Variants in MC2R observed in about 807,000 individuals in gnomAD.
MC2R encodes the protein adrenocorticotropic hormone receptor.
In MC2R, 9 loss-of-function variants were observed where a neutral mutation model predicts 9.8. That is an observed-to-expected ratio of 0.92 (90% confidence interval 0.55 to 1.60). The LOEUF (loss-of-function observed/expected upper bound fraction) is 1.60, where lower values mean the gene tolerates loss of function less well. Among genes scored for constraint, MC2R ranks in the 40% most tolerant of loss-of-function variants. The pLI, the probability that MC2R is intolerant of heterozygous loss-of-function variation, is 0.00. For missense variants in MC2R, 370 were observed against 389.0 expected (o/e 0.95, Z 0.41); for synonymous variants, 185 against 154.7 (o/e 1.20, Z -1.45).
At chr18:13,889,739 A>G (rs2045303777) in intron 1 of MC2R, among the ~76,000 whole-genome samples, 1 of 152,180 alleles carries the variant, frequency 6.6e-6, no homozygotes, top group Admixed American at 6.5e-5. Flanking sequence ...AAGGGTAAGG[A>G]GAAGGCTCTA....
At chr18:13,886,492 T>C (rs1054546546) in intron 1 of MC2R, among the ~76,000 whole-genome samples, 1 of 152,090 alleles carries the variant, frequency 6.6e-6, no homozygotes, top group Admixed American at 6.5e-5. Context: ...CTTCTCTGAC[T>C]GGGAGGCGGT....
intron 1 of MC2R, among the ~76,000 whole-genome samples, chr18:13,901,949 A>G (rs951839207): frequency 2.6e-5 from 4 of 152,120 alleles, no homozygotes; most frequent in Non-Finnish European, 5.9e-5. Context: ...CTATAGGCCA[A>G]TATCTCTGAC....
Position 13,883,585 on chromosome 18 carries a change from A to G in MC2R, c.*1040T>C, listed in dbSNP as rs1479931891. The G allele has an allele frequency of 1.4e-5, 1 of 72,364 alleles. No individual in the cohort carries two copies. Among genetic ancestry groups the G allele is most frequent in the Non-Finnish European group, 2.6e-5 (1 of 38,772 alleles). 4.5% of individuals were successfully genotyped at this position (72,364 alleles called of 1,614,324 possible). A position where few individuals can be genotyped will look rare whatever the true frequency, so the allele number is the denominator to read the frequency against. On this transcript the variant is annotated 3_prime_UTR_variant, in exon 2 of 2. Transcript: ENST00000327606. ...AAAAGCATGGGGAAAATACACACAC[A>G]CACACACACACACACACACACACAC...
chr18:13,886,036 G>A (rs2045274156), intron 1 of MC2R, among the ~76,000 whole-genome samples: 1 of 151,292 alleles, frequency 6.6e-6, no homozygotes, highest in Admixed American at 6.6e-5. Context: ...ATGCATACAC[G>A]TGGATATAGA....
chr18:13,902,598 A>G (rs1192302395), intron 1 of MC2R, among the ~76,000 whole-genome samples: 1 of 152,124 alleles, frequency 6.6e-6, no homozygotes, highest in Non-Finnish European at 1.5e-5. Flanking sequence ...GGGGATAGAC[A>G]ATCTCTTTAA....
chr18:13,914,605 C>CATGT (rs1232963679), intron 1 of MC2R, among the ~76,000 whole-genome samples: 2 of 151,938 alleles, frequency 1.3e-5, no homozygotes, highest in Non-Finnish European at 2.9e-5. Context: ...TTTTTGCATG[C>CATGT]ATGTATGTAT....
At chr18:13,898,472 A>T (rs1412134764) in intron 1 of MC2R, among the ~76,000 whole-genome samples, 1 of 152,220 alleles carries the variant, frequency 6.6e-6, no homozygotes, top group African/African-American at 2.4e-5. Flanking sequence ...GGAAAGACAC[A>T]GGCCTGGCTG....
rs1567894856 is a variant in MC2R at position 13,883,664 on chromosome 18, C to T, written c.*961G>A. On this transcript the variant is annotated 3_prime_UTR_variant, in exon 2 of 2. Coordinates refer to ENST00000327606, the MANE Select transcript of MC2R (RefSeq NM_000529.2). ...TCTCTCTCTCTCTCTCTCTGTCTGT[C>T]TCTGTCTCTCTCTCTTTATTTCTTA... 1 of 151,922 alleles carries T rather than the reference C, an allele frequency of 6.6e-6. No individual in the cohort carries two copies. Among genetic ancestry groups the T allele is most frequent in the Admixed American group, 6.6e-5 (1 of 15,252 alleles). The allele number at this position is 151,922 out of a possible 1,614,324, so 9.4% of individuals were successfully genotyped here.
At chr18:13,904,663 C>CCAAAACAGGTACAGTAACCAAAACAGTAA (rs372576538) in intron 1 of MC2R, among the ~76,000 whole-genome samples, 1 of 149,702 alleles carries the variant, frequency 6.7e-6, no homozygotes, top group Non-Finnish European at 1.5e-5. Flanking sequence ...AAAACAGTAA[C>CCAAAACAGGTACAGTAACCAAAACAGTAA]CAAAACGGTA....
At position 13,883,433 on chromosome 18, in the gene MC2R, T is replaced by G. The variant is rs2045245962; in HGVS notation, c.*1192A>C. The G allele has an allele frequency of 6.6e-6, 1 of 152,244 alleles. No individual in the cohort carries two copies. The highest frequency in any genetic ancestry group is 6.5e-5 in the Admixed American group (1 of 15,288). The allele number at this position is 152,244 out of a possible 1,614,324, so 9.4% of individuals were successfully genotyped here. ...TGGGAGGATGACATTTCCCAGTGAC[T>G]GGGTCTGCTTTCACATTCATCTGCA... On this transcript the variant is annotated 3_prime_UTR_variant, in exon 2 of 2. Transcript: ENST00000327606.
intron 1 of MC2R, among the ~76,000 whole-genome samples, chr18:13,894,177 A>T (rs9945524): frequency 0.49 from 73,709 of 151,516 alleles, 18,329 homozygotes; most frequent in Middle Eastern, 0.61. Flanking sequence ...TGTGTGTGTG[A>T]GAGAGAGAGA....
In MC2R at chr18:13,883,574, A is replaced by C. The variant is rs1401819491; in HGVS notation, c.*1051T>G. 1 of 96,418 alleles carries C rather than the reference A, an allele frequency of 1.0e-5. No individual in the cohort carries two copies. The highest frequency in any genetic ancestry group is 2.0e-5 in the Non-Finnish European group (1 of 49,528). The allele number at this position is 96,418 out of a possible 1,614,324, so 6.0% of individuals were successfully genotyped here. On this transcript the variant is annotated 3_prime_UTR_variant, in exon 2 of 2. Coordinates refer to ENST00000327606, the MANE Select transcript of MC2R (RefSeq NM_000529.2). ...CCCCATAGTCCAAAAGCATGGGGAA[A>C]ATACACACACACACACACACACACA...
At chr18:13,903,834 G>A (rs911692723) in intron 1 of MC2R, among the ~76,000 whole-genome samples, 1 of 152,080 alleles carries the variant, frequency 6.6e-6, no homozygotes, top group African/African-American at 2.4e-5. Context: ...ATAAAAAAAT[G>A]CAGCCTTAAA....
chr18:13,882,390 A>T lies in MC2R; in HGVS notation c.*2235T>A, dbSNP rs1448916131. Reference sequence around the variant, plus strand: ...TATAGCAGAAGACCTAGAATTGAAAATGTCTGGAATTGCAAGTTCTCTGAA... The same window carrying T: ...TATAGCAGAAGACCTAGAATTGAAATTGTCTGGAATTGCAAGTTCTCTGAA... On this transcript the variant is annotated 3_prime_UTR_variant, in exon 2 of 2. Transcript: ENST00000327606. 3 of 152,340 alleles carry T rather than the reference A, an allele frequency of 2.0e-5. No homozygotes were observed. In the East Asian group the frequency reaches 5.8e-4, roughly 29 times the overall value. The allele number at this position is 152,340 out of a possible 1,614,324, so 9.4% of individuals were successfully genotyped here. A position where few individuals can be genotyped will look rare whatever the true frequency, so the allele number is the denominator to read the frequency against.
In MC2R at chr18:13,885,052, G is replaced by A. The variant is rs150765794; in HGVS notation, c.467C>T (p.Thr156Met). Residue 156 changes from threonine to methionine, a missense_variant, in exon 2 of 2, where the codon ACG becomes ATG. Thr to Met is a moderately conservative substitution (Grantham distance 81). Coordinates refer to ENST00000327606, the MANE Select transcript of MC2R (RefSeq NM_000529.2). ...RTVVVLTVIWTFCTGTGITMV... is the reference protein window; with the variant it reads ...RTVVVLTVIWMFCTGTGITMV... ...GGTGATGCCAGTCCCCGTGCAGAAC[G>A]TCCAGATGACCGTAAGCACCACCAC... 3.1e-5 allele frequency: 50 copies of A among 1,614,060 alleles called. No individual in the cohort carries two copies. In the African/African-American group the frequency reaches 6.1e-4, roughly 20 times the overall value.
chr18:13,898,086 C>A (rs1343320583), intron 1 of MC2R, among the ~76,000 whole-genome samples: 1 of 152,044 alleles, frequency 6.6e-6, no homozygotes, highest in Non-Finnish European at 1.5e-5. Context: ...GTCCCCGATT[C>A]TAGGGATTGA....
chr18:13,907,181 T>A (rs546579948), intron 1 of MC2R, among the ~76,000 whole-genome samples: 1 of 152,272 alleles, frequency 6.6e-6, no homozygotes, highest in African/African-American at 2.4e-5. Flanking sequence ...GTTACACAGA[T>A]AAATGGAAGA....
At chr18:13,914,244 GTCCCAAAGGCAGGGTGAGGGC>G in intron 1 of MC2R, among the ~76,000 whole-genome samples, 1 of 152,236 alleles carries the variant, frequency 6.6e-6, no homozygotes, top group Admixed American at 6.5e-5. Flanking sequence ...CCTAAGCGGT[GTCCCAAAGGCAGGGTGAGGGC>G]TCCCGTCTCC....
chr18:13,903,714 G>A (rs2045394209), intron 1 of MC2R, among the ~76,000 whole-genome samples: 1 of 152,122 alleles, frequency 6.6e-6, no homozygotes, highest in African/African-American at 2.4e-5. Flanking sequence ...GGAGGGAGGT[G>A]GGGATGGTTA....
Sources: gnomAD v4.1 joint callset for allele counts (sites outside exome capture counted in the v4.1 genomes callset) on GRCh38, gnomAD v4.1.1 for gene constraint, MANE v1.5 for transcripts, NCBI Gene and HGNC (gene_info 2026-07-23, HGNC 2026-07-21) for gene names.